The following GAS7 variants were observed in gnomAD, a reference collection of about 807,000 sequenced individuals.
The protein encoded by GAS7 is growth arrest-specific protein 7.
Under a neutral mutation model 71.1 loss-of-function variants are expected in GAS7, and 28 were observed. The ratio of observed to expected loss-of-function variants is 0.39; its 90% CI spans 0.29 to 0.54. The LOEUF (loss-of-function observed/expected upper bound fraction) is 0.54. Ranked by LOEUF, GAS7 falls within the 20% of genes least tolerant of loss-of-function variation. GAS7 has a pLI of 0.62. For missense variants in GAS7, 436 were observed against 627.8 expected (o/e 0.69, Z 3.27); for synonymous variants, 258 against 245.8 (o/e 1.05, Z -0.46).
intron 1 of GAS7, among the ~76,000 whole-genome samples, chr17:10,037,046 T>G (rs1190285782): frequency 6.6e-6 from 1 of 152,154 alleles, no homozygotes; most frequent in Non-Finnish European, 1.5e-5. Flanking sequence ...AAAACCAACA[T>G]AAAAAGAACG....
chr17:9,989,320 T>C (rs1192949051), intron 2 of GAS7, among the ~76,000 whole-genome samples: 1 of 152,164 alleles, frequency 6.6e-6, no homozygotes, highest in Non-Finnish European at 1.5e-5. Context: ...TTGAGAATCA[T>C]CCTCAATATG....
At chr17:10,086,852 A>G (rs1281200707) in intron 1 of GAS7, among the ~76,000 whole-genome samples, 1 of 152,148 alleles carries the variant, frequency 6.6e-6, no homozygotes, top group Non-Finnish European at 1.5e-5. Flanking sequence ...ACAGATAATG[A>G]TACTGGAGGG....
chr17:10,067,963 G>A (rs1343330032), intron 1 of GAS7, among the ~76,000 whole-genome samples: 1 of 152,210 alleles, frequency 6.6e-6, no homozygotes, highest in East Asian at 1.9e-4. Context: ...AAGAATCGGG[G>A]TGTGGCCTCT....
chr17:10,170,775 C>A (rs913708638), intron 1 of GAS7, among the ~76,000 whole-genome samples: 1 of 152,208 alleles, frequency 6.6e-6, no homozygotes, highest in African/African-American at 2.4e-5. Flanking sequence ...AGCCCCGTAT[C>A]TTGTTAATCT....
At chr17:9,943,092 C>A in intron 7 of GAS7, 29 bp downstream of exon 7, 1 of 1,453,936 alleles carries the variant, frequency 6.9e-7, no homozygotes, top group Non-Finnish European at 9.7e-7. Context: ...GGTGCCAGGC[C>A]CCAGGGCTGG....
intron 5 of GAS7, among the ~76,000 whole-genome samples, chr17:9,958,701 C>T (rs909212650): frequency 6.6e-6 from 1 of 152,190 alleles, no homozygotes; most frequent in African/African-American, 2.4e-5. Flanking sequence ...TTGGGCATCT[C>T]GAAGCGCCCT....
At chr17:9,994,350 A>G (rs1428358380) in intron 2 of GAS7, among the ~76,000 whole-genome samples, 2 of 147,304 alleles carry the variant, frequency 1.4e-5, no homozygotes, top group African/African-American at 5.1e-5. Flanking sequence ...TCAATGGAAC[A>G]GAACAGAGCC....
intron 2 of GAS7, among the ~76,000 whole-genome samples, chr17:9,983,683 A>T (rs563515526): frequency 6.6e-6 from 1 of 151,926 alleles, no homozygotes; most frequent in African/African-American, 2.4e-5. Context: ...GCTACTCAGG[A>T]GGCTGAAGCA....
Position 10,034,934 on chromosome 17 carries a change from C to T in GAS7, c.184-15037G>A, listed in dbSNP as rs1203315986. 1.3e-5 allele frequency among the ~76,000 whole-genome samples: 2 copies of T among 152,186 alleles called. No individual in the cohort carries two copies. The highest frequency in any genetic ancestry group is 1.9e-4 in the East Asian group (1 of 5,184). ...GAATCCTGGGCTTCTGTCTCTGCAT[C>T]ACCCTGGATGCACCAAAGGCGGGTT... On this transcript the variant is annotated intron_variant, in intron 1 of 13. Transcript: ENST00000432992. This position sits in a 1 kb window ranked among gnomAD's most constrained non-coding sequence, Gnocchi z 4.4.
intron 1 of GAS7, among the ~76,000 whole-genome samples, chr17:10,127,688 AG>A (rs1210202848): frequency 1.3e-5 from 2 of 152,228 alleles, no homozygotes; most frequent in Non-Finnish European, 2.9e-5. Context: ...GATGGAAAGC[AG>A]GGGCAGAAGG....
intron 1 of GAS7, among the ~76,000 whole-genome samples, chr17:10,133,992 C>T (rs2074019051): frequency 2.0e-5 from 3 of 152,026 alleles, no homozygotes. Flanking sequence ...AGCATCATGA[C>T]AGCACTGATT....
chr17:10,193,657 G>A (rs553854509), intron 1 of GAS7, among the ~76,000 whole-genome samples: 61 of 152,340 alleles, frequency 4.0e-4, no homozygotes, highest in Non-Finnish European at 1.3e-4. Context: ...AGGCCATGTG[G>A]AAAGGCCCTG....
intron 1 of GAS7, among the ~76,000 whole-genome samples, chr17:10,123,877 T>C (rs889998306): frequency 6.6e-6 from 1 of 152,204 alleles, no homozygotes; most frequent in Non-Finnish European, 1.5e-5. Context: ...GTGGTTTTCC[T>C]GGAGGGGGGC....
chr17:10,171,088 C>A (rs2074332476), intron 1 of GAS7, among the ~76,000 whole-genome samples: 1 of 152,226 alleles, frequency 6.6e-6, no homozygotes, highest in South Asian at 2.1e-4. Context: ...CGCAAAGAAT[C>A]CAGGATCCCT....
At chr17:10,167,880 G>A (rs2074307675) in intron 1 of GAS7, among the ~76,000 whole-genome samples, 1 of 151,944 alleles carries the variant, frequency 6.6e-6, no homozygotes, top group Non-Finnish European at 1.5e-5. Context: ...TGTATTTTTT[G>A]TAGAGACGGG....
At chr17:9,925,368 G>T in intron 11 of GAS7, 108 bp downstream of exon 11, 2 of 1,109,006 alleles carry the variant, frequency 1.8e-6, no homozygotes, top group South Asian at 1.3e-5. Flanking sequence ...TTTCCTCGCT[G>T]CAGTCTTGCA....
chr17:10,044,637 T>C (rs1278481962), intron 1 of GAS7, among the ~76,000 whole-genome samples: 5 of 152,256 alleles, frequency 3.3e-5, no homozygotes, highest in South Asian at 4.1e-4. Flanking sequence ...CTAGGTAGTC[T>C]GTCTTCAATT....
At chr17:10,029,847 G>A (rs1009336780) in intron 1 of GAS7, among the ~76,000 whole-genome samples, 13 of 150,782 alleles carry the variant, frequency 8.6e-5, no homozygotes, top group African/African-American at 2.4e-4. Flanking sequence ...GCGAGACTCC[G>A]TCTCAAAAAA....
chr17:10,105,311 G>A (rs2073746598), intron 1 of GAS7, among the ~76,000 whole-genome samples: 1 of 151,882 alleles, frequency 6.6e-6, no homozygotes, highest in African/African-American at 2.4e-5. Context: ...ACAAACACCG[G>A]CCCCTCCTCT....
Sources: allele counts gnomAD v4.1 joint callset (sites outside exome capture counted in the v4.1 genomes callset), GRCh38; gene constraint gnomAD v4.1.1; non-coding constraint Gnocchi (gnomAD v3.1); transcripts MANE v1.5; gene names NCBI Gene and HGNC (gene_info 2026-07-23, HGNC 2026-07-21).